Variants in CRLF3 observed in about 807,000 individuals in gnomAD.
CRLF3 encodes the protein cytokine receptor-like factor 3.
CRLF3 carries 33 observed loss-of-function variants against 55.0 expected under a neutral mutation model. That is an observed-to-expected ratio of 0.60 (90% CI 0.46 to 0.80). CRLF3 has a LOEUF of 0.80. Ranked by LOEUF, CRLF3 falls within the 30% of genes least tolerant of loss-of-function variation. The probability of loss-of-function intolerance (pLI) is 0.00; values close to 1 mark genes in which losing one functional copy is unlikely to be tolerated. For synonymous variants in CRLF3, 238 were observed against 196.8 expected, an observed-to-expected ratio of 1.21 and a Z score of -1.75; for missense variants, 494 against 538.4, an observed-to-expected ratio of 0.92 and a Z score of 0.82.
intron 1 of CRLF3, among the ~76,000 whole-genome samples, chr17:30,811,431 G>A (rs1328018334): frequency 6.6e-6 from 1 of 151,656 alleles, no homozygotes; most frequent in African/African-American, 2.4e-5. Flanking sequence ...TCCAGCCCAG[G>A]TGAGAGAGCA....
At chr17:30,799,476 A>C (rs1436443885) in intron 2 of CRLF3, among the ~76,000 whole-genome samples, 1 of 151,636 alleles carries the variant, frequency 6.6e-6, no homozygotes, top group Non-Finnish European at 1.5e-5. Flanking sequence ...CTCCCGCCTC[A>C]GCCTCCCAAG....
intron 1 of CRLF3, among the ~76,000 whole-genome samples, chr17:30,810,769 G>C (rs1597928885): frequency 6.6e-6 from 1 of 152,204 alleles, no homozygotes; most frequent in East Asian, 1.9e-4. Context: ...AACAGTGACT[G>C]ATATATTTTC....
intron 6 of CRLF3, among the ~76,000 whole-genome samples, chr17:30,789,966 T>C (rs919641331): frequency 6.6e-6 from 1 of 151,980 alleles, no homozygotes; most frequent in Non-Finnish European, 1.5e-5. Flanking sequence ...ACCTGGGGAA[T>C]AGTTAAATAG....
chr17:30,793,580 A>C lies in CRLF3; in HGVS notation c.696T>G (p.Thr232=), dbSNP rs1241019626. 2 of 1,614,052 alleles carry C rather than the reference A, an allele frequency of 1.2e-6. No individual in the cohort carries two copies. Among genetic ancestry groups the C allele is most frequent in the Non-Finnish European group, 1.7e-6 (2 of 1,179,934 alleles). ...GGTCTATGTGCAATACTATGAATTC[A>C]GTTTCAGAACCTACATATACATCCT... is the stretch of plus-strand genomic sequence containing the variant. ...HFEDVYVGSE[T]EFIVLHIDPN... Residue 232 remains threonine, a synonymous_variant, in exon 5 of 8, where the codon ACT becomes ACG. Transcript: ENST00000324238.
chr17:30,791,373 A>G (rs1053288350), intron 6 of CRLF3, among the ~76,000 whole-genome samples: 10 of 149,904 alleles, frequency 6.7e-5, no homozygotes, highest in African/African-American at 2.2e-4. Flanking sequence ...GCCTGTCCTA[A>G]TATTTGTATT....
chr17:30,797,338 T>A lies in CRLF3; in HGVS notation c.398A>T (p.Lys133Ile), dbSNP rs1468140105. ...GTCCAACTGAATGTGCGAGGCCTTT[T>A]TGGTAAAGCTCCACAGTTTCTCATT... is the stretch of plus-strand genomic sequence containing the variant. Reference protein sequence around the residue: ...EENEKLWSFTKKASHIQLDSL... With the variant: ...EENEKLWSFTIKASHIQLDSL... Residue 133 changes from lysine to isoleucine, a missense_variant, in exon 3 of 8, where the codon AAA becomes ATA. Lys to Ile is a moderately radical substitution (Grantham distance 102). Transcript: ENST00000324238. 6.2e-7 allele frequency: 1 copy of A among 1,614,038 alleles called. No individual in the cohort carries two copies.
intron 7 of CRLF3, 113 bp from the exon 8 acceptor site, chr17:30,784,556 C>A: frequency 1.1e-6 from 1 of 923,368 alleles, no homozygotes; most frequent in South Asian, 1.7e-5. Flanking sequence ...TTTAAAAAAT[C>A]TGGAATGCCA....
At chr17:30,813,109 G>A (rs1904673424) in intron 1 of CRLF3, among the ~76,000 whole-genome samples, 1 of 152,126 alleles carries the variant, frequency 6.6e-6, no homozygotes, top group African/African-American at 2.4e-5. Context: ...AAGTCATTAA[G>A]CTTTGGCACA....
intron 1 of CRLF3, among the ~76,000 whole-genome samples, chr17:30,823,933 G>T (rs1433410841): frequency 6.6e-6 from 1 of 151,722 alleles, no homozygotes; most frequent in African/African-American, 2.4e-5. Context: ...TCTAGAACAG[G>T]ATTACTCTAA....
At position 30,783,486 on chromosome 17, in the gene CRLF3, C is replaced by A. The variant is rs544639504; in HGVS notation, c.*701G>T. The A allele has an allele frequency of 6.6e-6, 1 of 151,910 alleles. No homozygotes were observed. The highest frequency in any genetic ancestry group is 2.4e-5 in the African/African-American group (1 of 41,352). 9.4% of individuals were successfully genotyped at this position (151,910 alleles called of 1,614,324 possible). Reference sequence around the variant, plus strand: ...ACAAAAATTAGCCAGGTGTGGTGGCCGACGCCTGTAATCCCAGCTACTCAG... The same window carrying A: ...ACAAAAATTAGCCAGGTGTGGTGGCAGACGCCTGTAATCCCAGCTACTCAG... On this transcript the variant is annotated 3_prime_UTR_variant, in exon 8 of 8. Transcript: ENST00000324238.
Position 30,786,387 on chromosome 17 carries a change from C to T in CRLF3, c.960-356G>A, listed in dbSNP as rs113422976. On this transcript the variant is annotated intron_variant, in intron 6 of 7. Transcript: ENST00000324238. ...CCAAGTAGCTAGGATTACAGGTGCC[C>T]GCCACCATACCCGGCTAAGTTTTCT... 8.8e-3 allele frequency: 1,437 copies of T among 162,472 alleles called. 24 individuals are homozygous for T. Among genetic ancestry groups the T allele is most frequent in the African/African-American group, 0.032 (1,344 of 41,714 alleles). 10.1% of individuals were successfully genotyped at this position (162,472 alleles called of 1,614,324 possible). A position where few individuals can be genotyped will look rare whatever the true frequency, so the allele number is the denominator to read the frequency against.
At chr17:30,787,869 T>C (rs1971685386) in intron 6 of CRLF3, among the ~76,000 whole-genome samples, 1 of 151,980 alleles carries the variant, frequency 6.6e-6, no homozygotes, top group Non-Finnish European at 1.5e-5. Flanking sequence ...GGTGTGGTAG[T>C]GGCTCCTGTA....
At chr17:30,788,142 C>T (rs1005636478) in intron 6 of CRLF3, among the ~76,000 whole-genome samples, 1 of 151,520 alleles carries the variant, frequency 6.6e-6, no homozygotes, top group African/African-American at 2.4e-5. Flanking sequence ...TCCTGGCTAA[C>T]ACGGTGAAAC....
At chr17:30,795,042 A>G (rs1355447238) in intron 4 of CRLF3, among the ~76,000 whole-genome samples, 3 of 152,216 alleles carry the variant, frequency 2.0e-5, no homozygotes, top group Non-Finnish European at 4.4e-5. Context: ...ACATATGTCC[A>G]TAAAGAAACA....
At chr17:30,803,234 G>A (rs1207865350) in intron 2 of CRLF3, among the ~76,000 whole-genome samples, 1 of 151,834 alleles carries the variant, frequency 6.6e-6, no homozygotes, top group Admixed American at 6.6e-5. Flanking sequence ...TTGAGAGAAT[G>A]GATACCCCAT....
intron 2 of CRLF3, among the ~76,000 whole-genome samples, chr17:30,800,602 C>A (rs1389905553): frequency 1.3e-5 from 2 of 148,628 alleles, no homozygotes; most frequent in African/African-American, 2.6e-5. Context: ...AATAATTCTA[C>A]TTCTTAAAAA....
intron 6 of CRLF3, among the ~76,000 whole-genome samples, chr17:30,788,336 AAAG>A (rs1484802701): frequency 1.2e-4 from 17 of 142,346 alleles, no homozygotes; most frequent in African/African-American, 4.0e-4. Flanking sequence ...AAAAAAAAAA[AAAG>A]AAAAGAAAAG....
intron 1 of CRLF3, 111 bp from the exon 2 acceptor site, chr17:30,804,219 T>TA (rs1157212879): frequency 3.1e-5 from 22 of 703,044 alleles, no homozygotes; most frequent in Middle Eastern, 4.0e-4. Context: ...TTCAATTTAG[T>TA]AAAAAAAAGA....
At chr17:30,812,890 GGAGA>G in intron 1 of CRLF3, among the ~76,000 whole-genome samples, 1 of 152,146 alleles carries the variant, frequency 6.6e-6, no homozygotes, top group South Asian at 2.1e-4. Flanking sequence ...AGGAAGACAG[GGAGA>G]GAGACTGGCA....
Sources: gnomAD v4.1 joint callset for allele counts (sites outside exome capture counted in the v4.1 genomes callset) on GRCh38, gnomAD v4.1.1 for gene constraint, MANE v1.5 for transcripts, NCBI Gene and HGNC (gene_info 2026-07-23, HGNC 2026-07-21) for gene names.